OSBPL1A: variants seen among roughly 807,000 people sequenced by gnomAD.
OSBPL1A encodes oxysterol-binding protein-related protein 1.
OSBPL1A carries 80 observed loss-of-function variants against 137.1 expected under a neutral mutation model. The observed-to-expected ratio is 0.58, with a 90% CI of 0.49 to 0.70. The LOEUF is 0.70. Among genes scored for constraint, OSBPL1A ranks in the 30% least tolerant of loss-of-function variants. The pLI is 0.00. For synonymous variants in OSBPL1A, 365 were observed against 389.7 expected, an observed-to-expected ratio of 0.94 and a Z score of 0.75; for missense variants, 970 against 1,129.4, an observed-to-expected ratio of 0.86 and a Z score of 2.02.
intron 17 of OSBPL1A, among the ~76,000 whole-genome samples, chr18:24,202,556 C>A (rs928508961): frequency 1.3e-5 from 2 of 152,160 alleles, no homozygotes; most frequent in African/African-American, 2.4e-5. Flanking sequence ...ATTCTGTTTA[C>A]GGTATGATTT....
At position 24,314,366 on chromosome 18, in the gene OSBPL1A, A is replaced by G; in HGVS notation, c.871-19T>C. On this transcript the variant is annotated intron_variant, in intron 11 of 27. Transcript: ENST00000319481. ...ATTTTACCTTGGATATAAAGAAGTC[A>G]GTAAGACAACATTCATTCACATAAA... 1 of 1,531,674 alleles carries G rather than the reference A, an allele frequency of 6.5e-7. No individual in the cohort carries two copies. 94.9% of individuals were successfully genotyped at this position (1,531,674 alleles called of 1,614,324 possible). A position where few individuals can be genotyped will look rare whatever the true frequency, so the allele number is the denominator to read the frequency against.
chr18:24,391,601 C>T (rs373796136), intron 1 of OSBPL1A, among the ~76,000 whole-genome samples: 7 of 151,124 alleles, frequency 4.6e-5, no homozygotes, highest in Non-Finnish European at 8.9e-5. Context: ...TCATGGTGCG[C>T]ACCTATAGAT....
At chr18:24,175,032 G>C (rs1300603102) in intron 21 of OSBPL1A, among the ~76,000 whole-genome samples, 1 of 147,350 alleles carries the variant, frequency 6.8e-6, no homozygotes, top group Non-Finnish European at 1.5e-5. Context: ...TCCTGCCTCA[G>C]CCTCCTAAGT....
intron 7 of OSBPL1A, among the ~76,000 whole-genome samples, chr18:24,327,823 AAT>A (rs1415415084): frequency 6.6e-6 from 1 of 152,166 alleles, no homozygotes; most frequent in African/African-American, 2.4e-5. Flanking sequence ...CTATAGAGTA[AAT>A]ATATATTTGA....
chr18:24,367,046 A>G, intron 3 of OSBPL1A, 80 bp from the exon 4 acceptor site: 1 of 1,191,936 alleles, frequency 8.4e-7, no homozygotes, highest in Admixed American at 2.5e-5. Context: ...AAGGCCTTAA[A>G]AAATTAAAAT....
rs560986763 is a variant in OSBPL1A, at chr18:24,366,915, G to C, written c.259C>G (p.Arg87Gly). The change falls in exon 4 of 28, where the codon CGA becomes GGA. Residue 87 changes from arginine to glycine, a missense_variant. Arg to Gly is a moderately radical substitution (Grantham distance 125). Around this residue, in one of 2 missense-constraint regions of OSBPL1A, gnomAD observed 647 missense variants for 672.6 expected, o/e 0.96. Transcript: ENST00000319481. ...LNDMGDTPLH[R>G]AAFTGRKELV... ...ACCTTTCGTCCTGTAAAGGCAGCTC[G>C]ATGAAGCGGCGTGTCTCCCATGTCA... 6.2e-7 allele frequency: 1 copy of C among 1,611,678 alleles called. No individual in the cohort carries two copies. Among genetic ancestry groups the C allele is most frequent in the South Asian group, 1.1e-5 (1 of 90,552 alleles).
In OSBPL1A at chr18:24,252,453, C is replaced by G. The variant is rs149547160; in HGVS notation, c.1282-13071G>C. Among the ~76,000 whole-genome samples, 352 of 152,024 alleles carry G rather than the reference C, an allele frequency of 2.3e-3. 1 individual carries two copies. The highest frequency in any genetic ancestry group is 8.3e-3 in the African/African-American group (342 of 41,446). On this transcript the variant is annotated intron_variant, in intron 15 of 27. Coordinates refer to ENST00000319481, the MANE Select transcript of OSBPL1A (RefSeq NM_080597.4). ...AGTGCTGAAGGAAAAAAACTCTTAC[C>G]CTAGAATAGTATATCTTGCAAAAAA...
intron 7 of OSBPL1A, among the ~76,000 whole-genome samples, chr18:24,331,832 C>A (rs977585103): frequency 3.3e-5 from 5 of 152,132 alleles, no homozygotes; most frequent in African/African-American, 1.2e-4. Flanking sequence ...CTGGCTATTG[C>A]TAAAATTCAC....
chr18:24,175,108 G>GTATATATATATATATATATGTATA (rs2086396481), intron 21 of OSBPL1A, among the ~76,000 whole-genome samples: 2 of 111,530 alleles, frequency 1.8e-5, no homozygotes, highest in African/African-American at 9.2e-5. Context: ...CCATGTGTAT[G>GTATATATATATATATATATGTATA]TATATATATA....
At chr18:24,388,407 A>C (rs1907083652) in intron 1 of OSBPL1A, among the ~76,000 whole-genome samples, 1 of 152,184 alleles carries the variant, frequency 6.6e-6, no homozygotes, top group Admixed American at 6.5e-5. Context: ...GTCTCCCTGT[A>C]GGGAGGTCTA....
intron 17 of OSBPL1A, 113 bp from the exon 18 acceptor site, chr18:24,196,313 G>A: frequency 1.4e-6 from 1 of 723,048 alleles, no homozygotes; most frequent in South Asian, 1.7e-5. Flanking sequence ...CTTTAAAAAT[G>A]TGTGTCATCA....
chr18:24,358,854 TC>T (rs1469503242), intron 4 of OSBPL1A, among the ~76,000 whole-genome samples: 1 of 152,182 alleles, frequency 6.6e-6, no homozygotes, highest in African/African-American at 2.4e-5. Context: ...CAAGCGATCC[TC>T]CTGCCTCAGC....
At chr18:24,365,482 G>A (rs2146192009) in intron 4 of OSBPL1A, among the ~76,000 whole-genome samples, 1 of 152,130 alleles carries the variant, frequency 6.6e-6, no homozygotes, top group South Asian at 2.1e-4. Flanking sequence ...TACTTGGGAG[G>A]CTAAGGCAGG....
chr18:24,362,244 T>TAA lies in OSBPL1A; in HGVS notation c.282+4646_282+4647dup, dbSNP rs138666209. 2.7e-3 allele frequency among the ~76,000 whole-genome samples: 408 copies of TAA among 150,308 alleles called. 2 individuals carry two copies. The highest frequency in any genetic ancestry group is 9.7e-3 in the African/African-American group (399 of 41,064). ...ATATAGAAAAGAATGAGCAAGACCA[T>TAA]AAAAAAAAACAGCAAGTAGTTCACG... On this transcript the variant is annotated intron_variant, in intron 4 of 27. Coordinates refer to ENST00000319481, the MANE Select transcript of OSBPL1A (RefSeq NM_080597.4).
intron 16 of OSBPL1A, 141 bp downstream of exon 16, chr18:24,239,079 A>C (rs558217739): frequency 1.0e-6 from 1 of 952,630 alleles, no homozygotes; most frequent in Non-Finnish European, 1.5e-6. Context: ...CTGGGGAGCT[A>C]TACCAATACA....
At chr18:24,244,098 T>C (rs918787987) in intron 15 of OSBPL1A, among the ~76,000 whole-genome samples, 9 of 152,186 alleles carry the variant, frequency 5.9e-5, no homozygotes, top group Non-Finnish European at 1.2e-4. Flanking sequence ...AAGTGCAACT[T>C]CATAAAATAT....
At chr18:24,336,302 T>C (rs1252396443) in intron 5 of OSBPL1A, among the ~76,000 whole-genome samples, 3 of 152,242 alleles carry the variant, frequency 2.0e-5, no homozygotes, top group Non-Finnish European at 4.4e-5. Flanking sequence ...TGTTTCTTTC[T>C]AGGTTGTCTA....
At chr18:24,215,525 C>A (rs571560738) in intron 17 of OSBPL1A, among the ~76,000 whole-genome samples, 2 of 152,194 alleles carry the variant, frequency 1.3e-5, no homozygotes. Flanking sequence ...AATTTATTTA[C>A]CTTGCAATTT....
At chr18:24,246,238 G>A (rs1008436046) in intron 15 of OSBPL1A, among the ~76,000 whole-genome samples, 1 of 151,740 alleles carries the variant, frequency 6.6e-6, no homozygotes, top group Non-Finnish European at 1.5e-5. Context: ...AAATAAATAT[G>A]TAAGAATAAA....
Sources: allele counts gnomAD v4.1 joint callset (sites outside exome capture counted in the v4.1 genomes callset), GRCh38; gene constraint gnomAD v4.1.1; regional missense constraint gnomAD v4.1.1; transcripts MANE v1.5; gene names NCBI Gene and HGNC (gene_info 2026-07-23, HGNC 2026-07-21).